Variants in SHISA9 observed in about 807,000 individuals in gnomAD.
SHISA9 encodes protein shisa-9.
Under a neutral mutation model 38.0 loss-of-function variants are expected in SHISA9, and 13 were observed. The ratio of observed to expected loss-of-function variants is 0.34; its 90% confidence interval spans 0.22 to 0.54. The LOEUF (loss-of-function observed/expected upper bound fraction) is 0.54, where lower values mean the gene tolerates loss of function less well. SHISA9 is among the 20% of genes least tolerant of loss of function. The probability of loss-of-function intolerance (pLI) is 0.91; values close to 1 mark genes in which losing one functional copy is unlikely to be tolerated. For missense variants in SHISA9, 538 were observed against 575.8 expected, an observed-to-expected ratio of 0.93 and a Z score of 0.67; for synonymous variants, 275 against 242.0, an observed-to-expected ratio of 1.14 and a Z score of -1.27.
chr16:13,414,593 A>T, the SHISA9 span, among the ~76,000 whole-genome samples: 2 of 151,346 alleles, frequency 1.3e-5, no homozygotes, highest in Non-Finnish European at 2.9e-5. Flanking sequence ...GCTCAAAACA[A>T]ATTTTTGTTA....
At chr16:13,510,925 C>T in the SHISA9 span, among the ~76,000 whole-genome samples, 1 of 152,058 alleles carries the variant, frequency 6.6e-6, no homozygotes, top group Non-Finnish European at 1.5e-5. Context: ...AGAACTGTGC[C>T]TGCAATTTGT....
chr16:13,215,794 C>T (rs977195033), intron 4 of SHISA9, among the ~76,000 whole-genome samples: 2 of 152,124 alleles, frequency 1.3e-5, no homozygotes, highest in African/African-American at 4.8e-5. Context: ...CTCTAGTGTT[C>T]TCTACTCAAC....
chr16:13,100,857 G>A lies in SHISA9; in HGVS notation c.692-102537G>A, dbSNP rs569699590. On this transcript the variant is annotated intron_variant, in intron 2 of 4. Transcript: ENST00000558583. ...CAAGTAGCTGGGATTACAGGCATGA[G>A]CCACCACGCCTGGCTAATTTTGTAT... Among the ~76,000 whole-genome samples the A allele has an allele frequency of 2.4e-4, 37 of 152,254 alleles. No homozygotes were observed. The South Asian group carries it at 7.5e-3, about 31-fold the overall frequency.
At chr16:13,175,213 A>AT (rs1356534408) in intron 2 of SHISA9, among the ~76,000 whole-genome samples, 1 of 151,850 alleles carries the variant, frequency 6.6e-6, no homozygotes, top group East Asian at 1.9e-4. Context: ...CAAAAAAAAA[A>AT]GAAAGAAAAA....
downstream of SHISA9, among the ~76,000 whole-genome samples, chr16:13,244,316 G>T (rs1056115877): frequency 5.3e-5 from 8 of 152,094 alleles, no homozygotes; most frequent in African/African-American, 1.9e-4. Flanking sequence ...GCTTTGAACT[G>T]CAGGGGTCCA....
At position 13,029,502 on chromosome 16, in the gene SHISA9, G is replaced by A. The variant is rs117130389; in HGVS notation, c.691+112687G>A. Among the ~76,000 whole-genome samples the A allele has an allele frequency of 4.0e-4, 61 of 152,290 alleles. No homozygotes were observed. In the East Asian group the frequency reaches 0.01, roughly 26 times the overall value. ...ACACGCTTGTGGTCCGAGCCTACTCGGGAGGCTAAGGAGGGAGGATCACTT... is the reference window on the plus strand; with the variant it reads ...ACACGCTTGTGGTCCGAGCCTACTCAGGAGGCTAAGGAGGGAGGATCACTT... On this transcript the variant is annotated intron_variant, in intron 2 of 4. Transcript: ENST00000558583.
intron 2 of SHISA9, among the ~76,000 whole-genome samples, chr16:12,965,811 C>G (rs139906017): frequency 1.3e-5 from 2 of 152,304 alleles, no homozygotes; most frequent in African/African-American, 4.8e-5. Flanking sequence ...CAGTACCCAG[C>G]ACATAGTCAG....
chr16:13,278,146 A>G, the SHISA9 span, among the ~76,000 whole-genome samples: 1 of 152,044 alleles, frequency 6.6e-6, no homozygotes, highest in Non-Finnish European at 1.5e-5. Context: ...ATTTTGTCGA[A>G]TGCTTTTTCT....
the SHISA9 span, among the ~76,000 whole-genome samples, chr16:13,514,819 C>T: frequency 1.8e-4 from 28 of 151,974 alleles, no homozygotes; most frequent in African/African-American, 6.5e-4. Context: ...AAGAAAACCG[C>T]ATCGATACAC....
the SHISA9 span, among the ~76,000 whole-genome samples, chr16:13,441,583 T>C: frequency 6.6e-6 from 1 of 152,276 alleles, no homozygotes; most frequent in Middle Eastern, 3.4e-3. Flanking sequence ...TAGGTGTAGG[T>C]TGCTAAGGGG....
chr16:13,227,000 A>C (rs2051285823), intron 4 of SHISA9, among the ~76,000 whole-genome samples: 1 of 152,176 alleles, frequency 6.6e-6, no homozygotes, highest in Admixed American at 6.5e-5. Context: ...CATTCTTGGA[A>C]TATGCCACAT....
intron 2 of SHISA9, among the ~76,000 whole-genome samples, chr16:12,948,576 T>C (rs539287087): frequency 6.6e-6 from 1 of 152,330 alleles, no homozygotes; most frequent in South Asian, 2.1e-4. Flanking sequence ...GCAGATTCAG[T>C]GTCTGGTAAG....
intron 4 of SHISA9, among the ~76,000 whole-genome samples, chr16:13,229,352 C>G (rs1301293149): frequency 6.6e-6 from 1 of 152,158 alleles, no homozygotes; most frequent in Non-Finnish European, 1.5e-5. Flanking sequence ...ATGGAGAGAT[C>G]TGACTTTATC....
At chr16:12,988,894 G>C (rs1413741915) in intron 2 of SHISA9, among the ~76,000 whole-genome samples, 1 of 152,146 alleles carries the variant, frequency 6.6e-6, no homozygotes, top group African/African-American at 2.4e-5. Context: ...TTCGCCTGTT[G>C]TAAGTATTCA....
At position 13,051,770 on chromosome 16, in the gene SHISA9, AT is replaced by A. The variant is rs35696205; in HGVS notation, c.691+134968del. 1.3e-3 allele frequency among the ~76,000 whole-genome samples: 189 copies of A among 145,498 alleles called. 1 individual carries two copies. The highest frequency in any genetic ancestry group is 1.5e-3 in the African/African-American group (59 of 40,128). ...GTTCTTGAGTTTTTATAAAATTTAC[AT>A]TTTTTTTTTTTTGAGATTGAGTCTT... On this transcript the variant is annotated intron_variant, in intron 2 of 4. Coordinates refer to ENST00000558583, the MANE Select transcript of SHISA9 (RefSeq NM_001145204.3).
At chr16:13,025,395 G>T (rs533272565) in intron 2 of SHISA9, among the ~76,000 whole-genome samples, 3 of 152,186 alleles carry the variant, frequency 2.0e-5, no homozygotes, top group Non-Finnish European at 4.4e-5. Flanking sequence ...ATGTGATTCC[G>T]ATGATGCTTA....
chr16:13,126,867 AG>A (rs1567221001), intron 2 of SHISA9, among the ~76,000 whole-genome samples: 1 of 128,548 alleles, frequency 7.8e-6, no homozygotes, highest in Non-Finnish European at 1.6e-5. Context: ...GAGAGAGCTG[AG>A]GGAAGAAGAG....
intron 2 of SHISA9, among the ~76,000 whole-genome samples, chr16:13,196,109 A>AG (rs1257527639): frequency 7.1e-6 from 1 of 140,258 alleles, no homozygotes; most frequent in Non-Finnish European, 1.5e-5. Flanking sequence ...AAAAAAAAAA[A>AG]AAAAAAGGCC....
chr16:12,916,699 A>G lies in SHISA9; in HGVS notation c.575A>G (p.Asp192Gly). The change falls in exon 2 of 5, where the codon GAT (aspartate) becomes GGT (glycine). Residue 192 changes from aspartate (D) to glycine (G), a missense_variant. Asp to Gly is a moderately conservative substitution (Grantham distance 94, BLOSUM62 -1). This residue lies in a region of SHISA9 where 326 missense variants were observed against 305.9 expected (regional missense o/e 1.07). Coordinates refer to ENST00000558583, the MANE Select transcript of SHISA9 (RefSeq NM_001145204.3). The stretch of plus-strand genomic sequence containing the variant: ...CTTTCTTCTTTCAGGGCCCTTGCGG[A>G]TGTCATGAGACCACAGGGCCACTGC... ...QREHMSRALA[D>G]VMRPQGHCNT... The G allele has an allele frequency of 6.4e-7, 1 of 1,550,704 alleles. No individual in the cohort carries two copies. Among genetic ancestry groups the G allele is most frequent in the Non-Finnish European group, 8.7e-7 (1 of 1,146,668 alleles).
Sources: allele counts gnomAD v4.1 joint callset (sites outside exome capture counted in the v4.1 genomes callset), GRCh38; gene constraint gnomAD v4.1.1; regional missense constraint gnomAD v4.1.1; transcripts MANE v1.5; gene names NCBI Gene and HGNC (gene_info 2026-07-23, HGNC 2026-07-21).